TAFA3: variants seen among roughly 807,000 people sequenced by gnomAD.
The protein encoded by TAFA3 is chemokine-like protein TAFA-3.
In TAFA3, 17 loss-of-function variants were observed where a neutral mutation model predicts 20.7. That is an observed-to-expected ratio of 0.82 (90% CI 0.56 to 1.23). The LOEUF is 1.23. Ranked by LOEUF, TAFA3 falls within the 50% of genes most tolerant of loss-of-function variation. The pLI is 0.00. For synonymous variants in TAFA3, 74 were observed against 71.8 expected, an observed-to-expected ratio of 1.03 and a Z score of -0.16; for missense variants, 174 against 172.8, an observed-to-expected ratio of 1.01 and a Z score of -0.04.
chr1:112,722,444 C>T (rs1426972665), intron 3 of TAFA3, 96 bp downstream of exon 3: 2 of 1,037,380 alleles, frequency 1.9e-6, no homozygotes, highest in Non-Finnish European at 2.9e-6. Context: ...GCAGGTCTCC[C>T]AGGCAGAGTA....
At chr1:112,724,831 A>AAAAAAAAAAAAAAAAC in intron 5 of TAFA3, among the ~76,000 whole-genome samples, 1 of 148,338 alleles carries the variant, frequency 6.7e-6, no homozygotes, top group Non-Finnish European at 1.5e-5. Context: ...AAAAAAAAAA[A>AAAAAAAAAAAAAAAAC]AAAAAAAAAG....
intron 1 of TAFA3, among the ~76,000 whole-genome samples, chr1:112,719,954 A>G (rs919040124): frequency 1.3e-5 from 2 of 152,128 alleles, no homozygotes; most frequent in Admixed American, 1.3e-4. Flanking sequence ...TATATGTTTC[A>G]GTTCTGCCTC....
rs1447586618 is a variant in TAFA3, at chr1:112,726,561, A to G, written c.391-68A>G. On this transcript the variant is annotated intron_variant, in intron 5 of 5. Coordinates refer to ENST00000361886, the MANE Select transcript of TAFA3 (RefSeq NM_182759.3). The stretch of plus-strand genomic sequence containing the variant: ...TCTAAGTGACCTGCATATTCTGGGT[A>G]GTCTCTGGCATGCTGGAATGGAATA... 2.0e-6 allele frequency: 3 copies of G among 1,528,146 alleles called. No homozygotes were observed. In the Admixed American group the frequency reaches 5.0e-5, roughly 26 times the overall value. The allele number at this position is 1,528,146 out of a possible 1,614,324, so 94.7% of individuals were successfully genotyped here.
intron 5 of TAFA3, among the ~76,000 whole-genome samples, chr1:112,725,778 C>A (rs1475975421): frequency 6.6e-6 from 1 of 152,192 alleles, no homozygotes. Flanking sequence ...GCAGGGCAAG[C>A]CAGGGTTCTG....
chr1:112,724,206 G>A, intron 5 of TAFA3, 69 bp downstream of exon 5: 1 of 1,370,998 alleles, frequency 7.3e-7, no homozygotes, highest in Non-Finnish European at 9.8e-7. Context: ...AGGGGGCACA[G>A]GAGCCTTGGA....
At position 112,726,754 on chromosome 1, in the gene TAFA3, T is replaced by G. The variant is rs969877329; in HGVS notation, c.*114T>G. ...ATTCACTTACATGCCTCATGTCAAA[T>G]GCAGCATCAGTCTTTCCGGGGCATT... On this transcript the variant is annotated 3_prime_UTR_variant, in exon 6 of 6. Transcript: ENST00000361886. The G allele has an allele frequency of 6.6e-6, 10 of 1,525,050 alleles. No homozygotes were observed. The Admixed American group carries it at 1.0e-4, about 15-fold the overall frequency. 94.5% of individuals were successfully genotyped at this position (1,525,050 alleles called of 1,614,324 possible). A position where few individuals can be genotyped will look rare whatever the true frequency, so the allele number is the denominator to read the frequency against.
chr1:112,721,632 T>C (rs1308799955), intron 2 of TAFA3, among the ~76,000 whole-genome samples: 1 of 152,206 alleles, frequency 6.6e-6, no homozygotes, highest in African/African-American at 2.4e-5. Context: ...ACACATCGTA[T>C]ACACACCATT....
At chr1:112,720,555 T>G (rs1439434550) in intron 1 of TAFA3, 22 bp from the exon 2 acceptor site, 1 of 152,328 alleles carries the variant, frequency 6.6e-6, no homozygotes, top group Non-Finnish European at 1.5e-5. Context: ...CAACCCCCTA[T>G]GAATCTTTCC....
chr1:112,723,167 T>G lies in TAFA3; in HGVS notation c.265+2T>G. The G allele has an allele frequency of 6.2e-7, 1 of 1,612,094 alleles. No individual in the cohort carries two copies. Among genetic ancestry groups the G allele is most frequent in the Non-Finnish European group, 8.5e-7 (1 of 1,179,522 alleles). On this transcript the variant is annotated splice_donor_variant, in intron 4 of 5. Transcript: ENST00000361886. LOFTEE classifies it high-confidence loss of function. ...GGGCAAAGCCCTCCTGCGTGGACGG[T>G]GAGTGAGAGGCCAGGACCCGGGCAG...
chr1:112,722,413 C>T lies in TAFA3; in HGVS notation c.115+65C>T, dbSNP rs917201274. 5.8e-6 allele frequency: 8 copies of T among 1,386,492 alleles called. No individual in the cohort carries two copies. In the African/African-American group the frequency reaches 8.5e-5, roughly 15 times the overall value. 85.9% of individuals were successfully genotyped at this position (1,386,492 alleles called of 1,614,324 possible). ...AGGACACCTGGGGAGCTGGACACCA[C>T]TCCACCGTGTTCCATAGCAGGCAGG... is the stretch of plus-strand genomic sequence containing the variant. On this transcript the variant is annotated intron_variant, in intron 3 of 5. Coordinates refer to ENST00000361886, the MANE Select transcript of TAFA3 (RefSeq NM_182759.3).
Position 112,722,332 on chromosome 1 carries a change from G to C in TAFA3, c.99G>C (p.Gln33His). The stretch of plus-strand genomic sequence containing the variant: ...CCCACCTGACCTTGGCTGCCTTGCA[G>C]CCTCCCACTGCCACAGGTTTGGAGG... ...LWTHLTLAAL[Q>H]PPTATVLVQQ... The change falls in exon 3 of 6, where the codon CAG (glutamine) becomes CAC (histidine). Residue 33 changes from glutamine (Q) to histidine (H), a missense_variant. Gln to His is a conservative substitution (Grantham distance 24, BLOSUM62 0). Coordinates refer to ENST00000361886, the MANE Select transcript of TAFA3 (RefSeq NM_182759.3). The C allele has an allele frequency of 6.2e-7, 1 of 1,613,512 alleles. No homozygotes were observed. The highest frequency in any genetic ancestry group is 1.1e-5 in the South Asian group (1 of 91,056).
intron 5 of TAFA3, among the ~76,000 whole-genome samples, chr1:112,724,988 G>A (rs1460515726): frequency 6.6e-6 from 1 of 152,050 alleles, no homozygotes; most frequent in Non-Finnish European, 1.5e-5. Flanking sequence ...AATCAGTCTA[G>A]GTGCCAATCA....
rs1675480376 is a variant in TAFA3, at chr1:112,726,721, A to G, written c.*81A>G. The G allele has an allele frequency of 1.2e-6, 2 of 1,608,764 alleles. No homozygotes were observed. The highest frequency in any genetic ancestry group is 1.3e-5 in the African/African-American group (1 of 74,854). On this transcript the variant is annotated 3_prime_UTR_variant, in exon 6 of 6. Coordinates refer to ENST00000361886, the MANE Select transcript of TAFA3 (RefSeq NM_182759.3). ...ATGGTATCCAGTCATCAGCCAGGAA[A>G]GATGGGGATTCACTTACATGCCTCA... is the stretch of plus-strand genomic sequence containing the variant.
chr1:112,724,106 G>A lies in TAFA3; in HGVS notation c.359G>A (p.Cys120Tyr), dbSNP rs773605859. Residue 120 changes from cysteine (C) to tyrosine (Y), a missense_variant, in exon 5 of 6, where the codon TGC becomes TAC. Coordinates refer to ENST00000361886, the MANE Select transcript of TAFA3 (RefSeq NM_182759.3). ...KVLPDLSGWS[C>Y]SSGHKVKTTK... ...CTCCCGGACCTGTCGGGATGGAGCT[G>A]CAGCAGTGGACACAAAGTCAAAACC... 6 of 1,611,784 alleles carry A rather than the reference G, an allele frequency of 3.7e-6. No individual in the cohort carries two copies. The South Asian group carries it at 6.6e-5, about 18-fold the overall frequency.
intron 5 of TAFA3, among the ~76,000 whole-genome samples, chr1:112,725,395 T>TAA (rs35474012): frequency 0.011 from 941 of 83,318 alleles, 10 homozygotes; most frequent in African/African-American, 0.043. Flanking sequence ...GTTGAAATAT[T>TAA]AAAAAAAAAA....
At position 112,718,960 on chromosome 1, in the gene TAFA3, C is replaced by T. The variant is rs1267466745; in HGVS notation, c.-399C>T. ...CGGGGCTGGAGGAGCGGGGGTAGCCCGGGGCGAGGCGGCGGTTGCGGCGGC... is the reference window on the plus strand; with the variant it reads ...CGGGGCTGGAGGAGCGGGGGTAGCCTGGGGCGAGGCGGCGGTTGCGGCGGC... On this transcript the variant is annotated 5_prime_UTR_variant, in exon 1 of 6. Transcript: ENST00000361886. 6.6e-6 allele frequency among the ~76,000 whole-genome samples: 1 copy of T among 152,180 alleles called. No individual in the cohort carries two copies. The highest frequency in any genetic ancestry group is 1.5e-5 in the Non-Finnish European group (1 of 68,018).
In TAFA3 at chr1:112,726,826, C is replaced by A; in HGVS notation, c.*186C>A. ...TATGGATGGATCTGCAATCACATAC[C>A]TAATGTGGAGCTGGGCTTTTCTGGA... On this transcript the variant is annotated 3_prime_UTR_variant, in exon 6 of 6. Transcript: ENST00000361886. 1.2e-6 allele frequency: 1 copy of A among 817,132 alleles called. No individual in the cohort carries two copies. Among genetic ancestry groups the A allele is most frequent in the Non-Finnish European group, 1.9e-6 (1 of 516,554 alleles). 50.6% of individuals were successfully genotyped at this position (817,132 alleles called of 1,614,324 possible). A position where few individuals can be genotyped will look rare whatever the true frequency, so the allele number is the denominator to read the frequency against.
At chr1:112,724,256 A>G (rs911744084) in intron 5 of TAFA3, 119 bp downstream of exon 5, 5 of 948,622 alleles carry the variant, frequency 5.3e-6, no homozygotes, top group Admixed American at 5.8e-5. Flanking sequence ...ATCGTGAACC[A>G]TGAAATTCAC....
At chr1:112,724,248 C>T (rs1022211724) in intron 5 of TAFA3, 111 bp downstream of exon 5, 26 of 1,002,850 alleles carry the variant, frequency 2.6e-5, no homozygotes, top group Middle Eastern at 3.2e-4. Flanking sequence ...AAGGTGAGAT[C>T]GTGAACCATG....
Sources: allele counts gnomAD v4.1 joint callset (sites outside exome capture counted in the v4.1 genomes callset), GRCh38; gene constraint gnomAD v4.1.1; transcripts MANE v1.5; gene names NCBI Gene and HGNC (gene_info 2026-07-23, HGNC 2026-07-21).